Variants in ZNF791 observed in about 807,000 individuals in gnomAD.
ZNF791 encodes the protein zinc finger protein 791.
In ZNF791, 4 loss-of-function variants were observed where a neutral mutation model predicts 11.5. The ratio of observed to expected loss-of-function variants is 0.35; its 90% CI spans 0.17 to 0.80. ZNF791 has a LOEUF of 0.80. Ranked by LOEUF, ZNF791 falls within the 30% of genes least tolerant of loss-of-function variation. The pLI is 0.53. For synonymous variants in ZNF791, 212 were observed against 228.1 expected (o/e 0.93, Z 0.64); for missense variants, 559 against 699.4 (o/e 0.80, Z 2.26).
intron 1 of ZNF791, among the ~76,000 whole-genome samples, chr19:12,617,148 C>T (rs1457670495): frequency 1.8e-4 from 25 of 136,200 alleles, no homozygotes; most frequent in Admixed American, 1.6e-4. Context: ...TTTTTTGAGA[C>T]GGAGTCTTGC....
intron 1 of ZNF791, among the ~76,000 whole-genome samples, chr19:12,622,788 G>A (rs766932485): frequency 3.3e-5 from 5 of 151,886 alleles, no homozygotes; most frequent in East Asian, 3.9e-4. Context: ...CAGCTACTTC[G>A]GAGGCTGAGG....
At chr19:12,621,747 G>A (rs1210334517) in intron 1 of ZNF791, among the ~76,000 whole-genome samples, 3 of 116,008 alleles carry the variant, frequency 2.6e-5, no homozygotes, top group Admixed American at 1.7e-4. Context: ...CCGGCCAGCC[G>A]CCCCGTCCGG....
At chr19:12,618,808 AGTGTGTGTGTGTGTGTGTGT>A (rs60468264) in intron 1 of ZNF791, among the ~76,000 whole-genome samples, 14 of 143,724 alleles carry the variant, frequency 9.7e-5, no homozygotes, top group African/African-American at 2.9e-4. Flanking sequence ...TTTACCTCTC[AGTGTGTGTGTGTGTGTGTGT>A]GTGTGTGTGT....
At position 12,624,725 on chromosome 19, in the gene ZNF791, C is replaced by A. The variant is rs775585876; in HGVS notation, c.191+15C>A. 1.3e-6 allele frequency: 2 copies of A among 1,593,344 alleles called. No individual in the cohort carries two copies. Among genetic ancestry groups the A allele is most frequent in the African/African-American group, 1.3e-5 (1 of 74,234 alleles). Reference sequence around the variant, plus strand: ...CGAAATCTAAGGTGAGTTGCACTCACAAGAAGTAACAGTGTTCCTTGAAAG... The same window carrying A: ...CGAAATCTAAGGTGAGTTGCACTCAAAAGAAGTAACAGTGTTCCTTGAAAG... On this transcript the variant is annotated intron_variant, in intron 3 of 3. Coordinates refer to ENST00000343325, the MANE Select transcript of ZNF791 (RefSeq NM_153358.3).
In ZNF791 at chr19:12,613,449, C is replaced by T. The variant is rs535468427; in HGVS notation, c.3+2367C>T. ...ACAAAAAATTAGCTGGGCGTGGAGG[C>T]GGGCGCCTGTAGTCCCAGCTACTCT... On this transcript the variant is annotated intron_variant, in intron 1 of 3. Coordinates refer to ENST00000343325, the MANE Select transcript of ZNF791 (RefSeq NM_153358.3). Among the ~76,000 whole-genome samples, 573 of 152,082 alleles carry T rather than the reference C, an allele frequency of 3.8e-3. 2 individuals carry two copies. Among genetic ancestry groups the T allele is most frequent in the Middle Eastern group, 0.01 (3 of 294 alleles).
At position 12,629,223 on chromosome 19, in the gene ZNF791, C is replaced by A. The variant is rs2023469463; in HGVS notation, c.1694C>A (p.Thr565Lys). ...TGTGGAAAAGCCTTCAGTGTGTCCA[C>A]ATCCTTAAAAAAACATATGAGAATG... is the stretch of plus-strand genomic sequence containing the variant. ...KQCGKAFSVS[T>K]SLKKHMRMHN... The change falls in exon 4 of 4, where the codon ACA becomes AAA. Residue 565 changes from threonine to lysine, a missense_variant. By Grantham distance (78) the Thr-to-Lys change is moderately conservative (BLOSUM62 -1). Transcript: ENST00000343325. 3 of 1,512,702 alleles carry A rather than the reference C, an allele frequency of 2.0e-6. No individual in the cohort carries two copies. The highest frequency in any genetic ancestry group is 4.6e-5 in the Admixed American group (2 of 43,312). The allele number at this position is 1,512,702 out of a possible 1,614,324, so 93.7% of individuals were successfully genotyped here. A position where few individuals can be genotyped will look rare whatever the true frequency, so the allele number is the denominator to read the frequency against.
chr19:12,623,773 A>G lies in ZNF791; in HGVS notation c.77A>G (p.Lys26Arg), dbSNP rs761604698. 1.2e-6 allele frequency: 2 copies of G among 1,612,678 alleles called. No homozygotes were observed. Among genetic ancestry groups the G allele is most frequent in the African/African-American group, 2.7e-5 (2 of 74,828 alleles). The change falls in exon 2 of 4, where the codon AAG becomes AGG. Residue 26 changes from lysine (K) to arginine (R), a missense_variant. Transcript: ENST00000343325. ...EEWALLAPSQ[K>R]KLYRDVMQET... ...TGGGCTCTGCTGGCTCCTTCACAGA[A>G]GAAACTCTACAGAGATGTGATGCAG...
chr19:12,625,809 G>A (rs2023419130), intron 3 of ZNF791, among the ~76,000 whole-genome samples: 1 of 149,794 alleles, frequency 6.7e-6, no homozygotes, highest in Admixed American at 6.7e-5. Flanking sequence ...AGAAGAAGAA[G>A]AAGAAAGAAA....
intron 1 of ZNF791, among the ~76,000 whole-genome samples, chr19:12,619,443 T>C (rs1187148394): frequency 7.5e-6 from 1 of 133,052 alleles, no homozygotes; most frequent in Non-Finnish European, 1.6e-5. Context: ...ACTAATGTTA[T>C]CTTTTTTTTT....
At chr19:12,623,602 T>A (rs2023384029) in intron 1 of ZNF791, 98 bp from the exon 2 acceptor site, 1 of 1,522,694 alleles carries the variant, frequency 6.6e-7, no homozygotes, top group East Asian at 2.3e-5. Context: ...CACTAAATGT[T>A]TGGAGACCAC....
rs1197329659 is a variant in ZNF791, at chr19:12,630,639, G to A, written c.*1379G>A. On this transcript the variant is annotated 3_prime_UTR_variant, in exon 4 of 4. Transcript: ENST00000343325. ...AAACTTTGTTATGATAGGCGATGAC[G>A]GCTCCATGTGCAGGACTGCCCCTGA... The A allele has an allele frequency of 1.3e-5, 2 of 151,978 alleles. No individual in the cohort carries two copies. Among genetic ancestry groups the A allele is most frequent in the African/African-American group, 4.8e-5 (2 of 41,376 alleles). 9.4% of individuals were successfully genotyped at this position (151,978 alleles called of 1,614,324 possible). A position where few individuals can be genotyped will look rare whatever the true frequency, so the allele number is the denominator to read the frequency against.
At position 12,628,563 on chromosome 19, in the gene ZNF791, T is replaced by G. The variant is rs2023460875; in HGVS notation, c.1034T>G (p.Val345Gly). 1 of 1,599,764 alleles carries G rather than the reference T, an allele frequency of 6.3e-7. No individual in the cohort carries two copies. Among genetic ancestry groups the G allele is most frequent in the Non-Finnish European group, 8.5e-7 (1 of 1,173,488 alleles). ...KSFSARPAFR[V>G]HVRVHTGEKP... ...TTCAGTGCACGCCCAGCCTTTCGAG[T>G]ACACGTGAGAGTGCATACTGGAGAG... Residue 345 changes from valine to glycine, a missense_variant, in exon 4 of 4, where the codon GTA becomes GGA. Transcript: ENST00000343325.
intron 1 of ZNF791, among the ~76,000 whole-genome samples, chr19:12,615,362 T>C (rs747672647): frequency 2.8e-4 from 42 of 152,152 alleles, no homozygotes; most frequent in Non-Finnish European, 4.4e-4. Context: ...GTAATACACG[T>C]GGAGTTATTC....
rs57667202 is a variant in ZNF791, at chr19:12,615,037, T to TTTG, written c.3+3955_3+3956insTTG. 2.0e-4 allele frequency among the ~76,000 whole-genome samples: 27 copies of TTTG among 134,942 alleles called. 1 individual carries two copies. The highest frequency in any genetic ancestry group is 2.6e-4 in the Non-Finnish European group (16 of 62,484). 88.5% of individuals were successfully genotyped at this position (134,942 alleles called of 152,430 possible). ...CTTTTTTTTTTTTTTTTTTTTTTTT[T>TTTG]GAGACAGGGTCCCACTCCGTCGCCC... is the stretch of plus-strand genomic sequence containing the variant. On this transcript the variant is annotated intron_variant, in intron 1 of 3. Coordinates refer to ENST00000343325, the MANE Select transcript of ZNF791 (RefSeq NM_153358.3).
chr19:12,617,127 C>CTTT (rs755839252), intron 1 of ZNF791, among the ~76,000 whole-genome samples: 6 of 137,066 alleles, frequency 4.4e-5, no homozygotes, highest in South Asian at 2.3e-4. Flanking sequence ...CTTTTTTCTT[C>CTTT]TTTTTTTTTT....
At position 12,615,997 on chromosome 19, in the gene ZNF791, A is replaced by G. The variant is rs74519976; in HGVS notation, c.3+4915A>G. Among the ~76,000 whole-genome samples, 833 of 152,290 alleles carry G rather than the reference A, an allele frequency of 5.5e-3. 3 individuals are homozygous for G. Among genetic ancestry groups the G allele is most frequent in the Non-Finnish European group, 8.5e-3 (577 of 68,028 alleles). ...TGGTAAGAGGACGTTTTGTTTTGTT[A>G]GAAACTGCCTATCTTCCAAAGTAGA... On this transcript the variant is annotated intron_variant, in intron 1 of 3. Coordinates refer to ENST00000343325, the MANE Select transcript of ZNF791 (RefSeq NM_153358.3).
Position 12,628,176 on chromosome 19 carries a change from A to G in ZNF791, c.647A>G (p.Tyr216Cys), listed in dbSNP as rs1363443121. The G allele has an allele frequency of 6.2e-7, 1 of 1,614,036 alleles. No homozygotes were observed. Among genetic ancestry groups the G allele is most frequent in the African/African-American group, 1.3e-5 (1 of 74,950 alleles). Residue 216 changes from tyrosine to cysteine, a missense_variant, in exon 4 of 4, where the codon TAT becomes TGT. By Grantham distance (194) the Tyr-to-Cys change is radical. Coordinates refer to ENST00000343325, the MANE Select transcript of ZNF791 (RefSeq NM_153358.3). ...HERIHTGEKP[Y>C]ECKQCGKAFS... ...AGGATTCACACTGGAGAAAAGCCCT[A>G]TGAATGTAAACAATGTGGGAAAGCC...
intron 1 of ZNF791, among the ~76,000 whole-genome samples, chr19:12,611,931 T>A (rs1172550423): frequency 3.0e-4 from 46 of 152,212 alleles, no homozygotes. Flanking sequence ...ATATATGTTA[T>A]CAGAAGAACT....
intron 1 of ZNF791, among the ~76,000 whole-genome samples, chr19:12,616,481 T>A (rs1294972439): frequency 6.6e-6 from 1 of 152,088 alleles, no homozygotes. Flanking sequence ...CCCAGGCTGC[T>A]GGGGAGCAGA....
Sources: gnomAD v4.1 joint callset for allele counts (sites outside exome capture counted in the v4.1 genomes callset) on GRCh38, gnomAD v4.1.1 for gene constraint, MANE v1.5 for transcripts, NCBI Gene and HGNC (gene_info 2026-07-23, HGNC 2026-07-21) for gene names.